CNTN5: variants seen among roughly 807,000 people sequenced by gnomAD.
CNTN5 encodes the protein contactin-5.
A neutral mutation model predicts 129.1 loss-of-function variants in CNTN5; 77 were observed. The observed-to-expected ratio is 0.60, with a 90% confidence interval of 0.50 to 0.72. The LOEUF is 0.72. CNTN5 is among the 30% of genes least tolerant of loss of function. CNTN5 has a pLI of 0.00. For missense variants in CNTN5, 1,478 were observed against 1,328.8 expected, an observed-to-expected ratio of 1.11 and a Z score of -1.75; for synonymous variants, 509 against 465.6, an observed-to-expected ratio of 1.09 and a Z score of -1.20.
At chr11:99,953,028 T>G (rs907472667) in intron 7 of CNTN5, among the ~76,000 whole-genome samples, 7 of 152,212 alleles carry the variant, frequency 4.6e-5, no homozygotes, top group African/African-American at 1.7e-4. Flanking sequence ...CACACACTAT[T>G]AGAAAGAAGA....
chr11:99,626,166 C>G (rs1951125104), intron 3 of CNTN5, among the ~76,000 whole-genome samples: 1 of 151,886 alleles, frequency 6.6e-6, no homozygotes, highest in African/African-American at 2.4e-5. Flanking sequence ...AAGACATGCA[C>G]AGAGGGTGAC....
chr11:100,309,236 C>G (rs1225270943), intron 21 of CNTN5: 1 of 984,720 alleles, frequency 1.0e-6, no homozygotes, highest in Non-Finnish European at 1.2e-6. Flanking sequence ...TACTTTTCCT[C>G]TGCTTCAGTT....
chr11:100,170,615 A>T (rs13377525), intron 13 of CNTN5, among the ~76,000 whole-genome samples: 16,220 of 151,956 alleles, frequency 0.11, 2,880 homozygotes, highest in African/African-American at 0.37. Flanking sequence ...CACATAAGTG[A>T]AAAAGGGATC....
intron 3 of CNTN5, among the ~76,000 whole-genome samples, chr11:99,724,935 A>G (rs1311250046): frequency 2.0e-5 from 3 of 152,212 alleles, no homozygotes; most frequent in Admixed American, 1.3e-4. Flanking sequence ...CAGAATTTAC[A>G]TTTCACATCA....
intron 2 of CNTN5, among the ~76,000 whole-genome samples, chr11:99,465,874 CT>C (rs35950728): frequency 4.7e-5 from 5 of 106,404 alleles, no homozygotes; most frequent in African/African-American, 1.5e-4. Context: ...TGCCACACAC[CT>C]TTTTTTTTTT....
intron 1 of CNTN5, among the ~76,000 whole-genome samples, chr11:99,148,228 T>A (rs1859879944): frequency 6.6e-6 from 1 of 152,182 alleles, no homozygotes. Flanking sequence ...GTGACTTTAT[T>A]ATAAACTGAC....
chr11:99,255,799 C>T (rs975751336), intron 1 of CNTN5, among the ~76,000 whole-genome samples: 5 of 150,798 alleles, frequency 3.3e-5, no homozygotes, highest in South Asian at 2.1e-4. Flanking sequence ...AACACACACA[C>T]GCACACACAC....
intron 7 of CNTN5, among the ~76,000 whole-genome samples, chr11:99,934,954 A>G (rs1400057286): frequency 7.2e-6 from 1 of 139,508 alleles, no homozygotes; most frequent in African/African-American, 2.7e-5. Context: ...ATATACACAC[A>G]CATATATATG....
At chr11:99,610,329 C>G (rs374476333) in intron 3 of CNTN5, among the ~76,000 whole-genome samples, 1 of 152,070 alleles carries the variant, frequency 6.6e-6, no homozygotes. Context: ...GCATCATATT[C>G]TATCTGGTGT....
intron 4 of CNTN5, among the ~76,000 whole-genome samples, chr11:99,822,099 C>T (rs1946819357): frequency 6.6e-6 from 1 of 152,030 alleles, no homozygotes; most frequent in Non-Finnish European, 1.5e-5. Flanking sequence ...GGTTGACATG[C>T]TCTTACGAAA....
chr11:99,744,807 G>T (rs553900608), intron 3 of CNTN5, among the ~76,000 whole-genome samples: 3 of 151,762 alleles, frequency 2.0e-5, no homozygotes, highest in Non-Finnish European at 1.5e-5. Context: ...GAAAGACTGC[G>T]ACTCTTTAAG....
intron 1 of CNTN5, among the ~76,000 whole-genome samples, chr11:99,247,640 T>C (rs886537860): frequency 6.6e-6 from 1 of 151,764 alleles, no homozygotes; most frequent in African/African-American, 2.4e-5. Flanking sequence ...GGCCCTGGTG[T>C]GTGATGTTCC....
chr11:99,634,565 T>C (rs563611656), intron 3 of CNTN5, among the ~76,000 whole-genome samples: 1 of 152,332 alleles, frequency 6.6e-6, no homozygotes, highest in African/African-American at 2.4e-5. Context: ...TACTTGATTC[T>C]GTCTATTTAA....
At chr11:100,314,351 A>C (rs1221448403) in intron 21 of CNTN5, among the ~76,000 whole-genome samples, 12 of 152,290 alleles carry the variant, frequency 7.9e-5, no homozygotes. Context: ...AGTGAAAAGA[A>C]GTCAAATTGA....
intron 1 of CNTN5, among the ~76,000 whole-genome samples, chr11:99,246,926 A>G (rs947680111): frequency 1.3e-5 from 2 of 152,176 alleles, no homozygotes; most frequent in Admixed American, 6.6e-5. Flanking sequence ...ATATTAATCC[A>G]TATAATTTTT....
At chr11:99,373,704 TC>T (rs1221987726) in intron 2 of CNTN5, among the ~76,000 whole-genome samples, 2 of 67,878 alleles carry the variant, frequency 2.9e-5, no homozygotes, top group Non-Finnish European at 5.5e-5. Flanking sequence ...CGAGGAAAAC[TC>T]CGTCTCAAAA....
At chr11:99,834,134 T>G (rs1274500162) in intron 4 of CNTN5, among the ~76,000 whole-genome samples, 1 of 152,132 alleles carries the variant, frequency 6.6e-6, no homozygotes, top group African/African-American at 2.4e-5. Flanking sequence ...AATTGCAAGA[T>G]TACACTTAGT....
chr11:100,250,711 G>T (rs945741219), intron 16 of CNTN5, among the ~76,000 whole-genome samples: 1 of 151,964 alleles, frequency 6.6e-6, no homozygotes, highest in Non-Finnish European at 1.5e-5. Context: ...AGAATAAAGA[G>T]GATTTATTAT....
At chr11:99,081,021 G>T (rs376911639) in intron 1 of CNTN5, among the ~76,000 whole-genome samples, 11 of 123,312 alleles carry the variant, frequency 8.9e-5, no homozygotes, top group East Asian at 2.7e-4. Context: ...ATACCCTGTT[G>T]TCAGGAAGCT....
Sources: allele counts gnomAD v4.1 joint callset (sites outside exome capture counted in the v4.1 genomes callset), GRCh38; gene constraint gnomAD v4.1.1; transcripts MANE v1.5; gene names NCBI Gene and HGNC (gene_info 2026-07-23, HGNC 2026-07-21).